The following DARS1 variants were observed in gnomAD, a reference collection of about 807,000 sequenced individuals.
DARS1 encodes the protein aspartate--tRNA ligase, cytoplasmic.
DARS1 carries 51 observed loss-of-function variants against 68.8 expected under a neutral mutation model. That is an observed-to-expected ratio of 0.74 (90% confidence interval 0.59 to 0.94). The LOEUF (loss-of-function observed/expected upper bound fraction) is 0.94. DARS1 is among the 40% of genes least tolerant of loss of function. DARS1 has a pLI of 0.00. For synonymous variants in DARS1, 203 were observed against 190.4 expected (o/e 1.07, Z -0.55); for missense variants, 607 against 597.3 (o/e 1.02, Z -0.17).
intron 3 of DARS1, among the ~76,000 whole-genome samples, chr2:135,976,376 A>C (rs1249792304): frequency 4.6e-5 from 7 of 152,110 alleles, no homozygotes; most frequent in African/African-American, 1.4e-4. Context: ...TTTTTTTGAG[A>C]TAGAATAACA....
intron 7 of DARS1, among the ~76,000 whole-genome samples, chr2:135,927,014 A>G (rs1681233028): frequency 6.6e-6 from 1 of 152,242 alleles, no homozygotes; most frequent in Admixed American, 6.5e-5. Flanking sequence ...AAAATAAGAA[A>G]TGGTAATGGT....
In DARS1 at chr2:135,954,306, A is replaced by G. The variant is rs79238496; in HGVS notation, c.320+7090T>C. On this transcript the variant is annotated intron_variant, in intron 4 of 15. Coordinates refer to ENST00000264161, the MANE Select transcript of DARS1 (RefSeq NM_001349.4). The stretch of plus-strand genomic sequence containing the variant: ...GATTTCCTCACCTGAAAACAAAAAC[A>G]AAACCAAAAAAACAAAACCAAAAAA... Among the ~76,000 whole-genome samples the G allele has an allele frequency of 6.3e-3, 937 of 148,082 alleles. 7 individuals are homozygous for G. The highest frequency in any genetic ancestry group is 0.022 in the African/African-American group (884 of 39,774).
chr2:135,946,988 C>T (rs1051597320), intron 4 of DARS1, among the ~76,000 whole-genome samples: 4 of 152,138 alleles, frequency 2.6e-5, no homozygotes, highest in South Asian at 4.1e-4. Flanking sequence ...CATCATGTTG[C>T]CCAGGATGGT....
Position 135,916,217 on chromosome 2 carries a change from A to G in DARS1, c.1106+9T>C. Reference sequence around the variant, plus strand: ...AACTTAAAGTAAAAAAAAAGCCACAAAGACAAACCTCAGATCGTCTTCATC... The same window carrying G: ...AACTTAAAGTAAAAAAAAAGCCACAGAGACAAACCTCAGATCGTCTTCATC... On this transcript the variant is annotated intron_variant, in intron 11 of 15. Transcript: ENST00000264161. The G allele has an allele frequency of 6.4e-7, 1 of 1,558,990 alleles. No homozygotes were observed. The highest frequency in any genetic ancestry group is 1.4e-5 in the African/African-American group (1 of 73,526).
At chr2:135,965,033 A>T (rs1268920654) in intron 3 of DARS1, among the ~76,000 whole-genome samples, 2 of 152,096 alleles carry the variant, frequency 1.3e-5, no homozygotes, top group Admixed American at 6.5e-5. Context: ...AGTATGTAAA[A>T]GTGTGCCAGT....
In DARS1 at chr2:135,911,494, C is replaced by CT. The variant is rs757154023; in HGVS notation, c.1231-2dup. ...ACATATCGTAAGAGTTGGACTGTTT[C>CT]TGCAAGAGAAAAAACACCAGTCCTC... On this transcript the variant is annotated splice_acceptor_variant, in intron 13 of 15. Coordinates refer to ENST00000264161, the MANE Select transcript of DARS1 (RefSeq NM_001349.4). LOFTEE classifies it high-confidence loss of function. 2.2e-6 allele frequency: 2 copies of CT among 913,418 alleles called. No homozygotes were observed. The highest frequency in any genetic ancestry group is 3.6e-5 in the Admixed American group (2 of 55,912). The allele number at this position is 913,418 out of a possible 1,614,324, so 56.6% of individuals were successfully genotyped here.
chr2:135,973,768 GC>G (rs1400304446), intron 3 of DARS1, among the ~76,000 whole-genome samples: 4 of 152,130 alleles, frequency 2.6e-5, no homozygotes, highest in Non-Finnish European at 5.9e-5. Context: ...TACTCAGGAG[GC>G]TGTGGGAGGA....
At chr2:135,938,032 C>A (rs960709199) in intron 5 of DARS1, among the ~76,000 whole-genome samples, 1 of 152,142 alleles carries the variant, frequency 6.6e-6, no homozygotes, top group African/African-American at 2.4e-5. Flanking sequence ...TGAATGTTGG[C>A]CTGCCTTGCT....
intron 4 of DARS1, among the ~76,000 whole-genome samples, chr2:135,957,335 C>T (rs1278715712): frequency 6.6e-6 from 1 of 151,966 alleles, no homozygotes; most frequent in Non-Finnish European, 1.5e-5. Flanking sequence ...TCAACCGATT[C>T]TCCTGCCTCA....
intron 3 of DARS1, among the ~76,000 whole-genome samples, chr2:135,964,840 C>CA (rs372676148): frequency 0.034 from 1,660 of 49,134 alleles, 111 homozygotes; most frequent in African/African-American, 0.079. Flanking sequence ...GACTCCACCT[C>CA]AAAAAAAAAA....
intron 2 of DARS1, among the ~76,000 whole-genome samples, chr2:135,981,513 G>T (rs1682632043): frequency 6.6e-6 from 1 of 152,140 alleles, no homozygotes; most frequent in African/African-American, 2.4e-5. Flanking sequence ...TCAGATTAGG[G>T]ATGCTCAAGT....
intron 4 of DARS1, among the ~76,000 whole-genome samples, chr2:135,951,673 G>A (rs1681841763): frequency 6.6e-6 from 1 of 152,100 alleles, no homozygotes; most frequent in Non-Finnish European, 1.5e-5. Flanking sequence ...GGGTGCACTC[G>A]GCCATGCAGG....
chr2:135,935,197 A>G (rs1681440643), intron 5 of DARS1, among the ~76,000 whole-genome samples: 1 of 152,084 alleles, frequency 6.6e-6, no homozygotes, highest in Non-Finnish European at 1.5e-5. Context: ...TCTCCTTTCA[A>G]GTACCCCTTC....
intron 3 of DARS1, among the ~76,000 whole-genome samples, chr2:135,966,852 C>A (rs1311997243): frequency 6.6e-6 from 1 of 152,154 alleles, no homozygotes; most frequent in African/African-American, 2.4e-5. Flanking sequence ...AAATTCTTAA[C>A]ACTTAAAACT....
At position 135,907,039 on chromosome 2, in the gene DARS1, A is replaced by G. The variant is rs1462097186; in HGVS notation, c.*277T>C. 4.6e-6 allele frequency: 1 copy of G among 216,242 alleles called. No individual in the cohort carries two copies. The highest frequency in any genetic ancestry group is 9.2e-6 in the Non-Finnish European group (1 of 108,912). 13.4% of individuals were successfully genotyped at this position (216,242 alleles called of 1,614,324 possible). A position where few individuals can be genotyped will look rare whatever the true frequency, so the allele number is the denominator to read the frequency against. ...TAGTAACAGAATATGAATTTGTAAC[A>G]TAACCATATGAATTTCTCAAGTTAT... On this transcript the variant is annotated 3_prime_UTR_variant, in exon 16 of 16. Transcript: ENST00000264161.
chr2:135,962,534 A>T (rs1682123418), intron 3 of DARS1, among the ~76,000 whole-genome samples: 1 of 152,230 alleles, frequency 6.6e-6, no homozygotes, highest in African/African-American at 2.4e-5. Flanking sequence ...TACAGTTACT[A>T]CTTTCAACAT....
intron 15 of DARS1, among the ~76,000 whole-genome samples, chr2:135,908,628 C>G (rs558964679): frequency 6.6e-6 from 1 of 152,270 alleles, no homozygotes; most frequent in African/African-American, 2.4e-5. Context: ...GAGATGGTAT[C>G]TCATTGTGGT....
In DARS1 at chr2:135,916,325, G is replaced by T; in HGVS notation, c.1007C>A (p.Pro336Gln). 6.7e-7 allele frequency: 1 copy of T among 1,502,198 alleles called. No individual in the cohort carries two copies. The highest frequency in any genetic ancestry group is 9.3e-7 in the Non-Finnish European group (1 of 1,077,924). 93.1% of individuals were successfully genotyped at this position (1,502,198 alleles called of 1,614,324 possible). ...TAGAGTTGGCTCCAAAAATTTGAAT[G>T]GCTCACATGGGAACTGTTTATTCAC... ...QTVNKQFPCEPFKFLEPTLRL... is the reference protein window; with the variant it reads ...QTVNKQFPCEQFKFLEPTLRL... Residue 336 changes from proline to glutamine, a missense_variant, in exon 11 of 16, where the codon CCA (proline) becomes CAA (glutamine). Pro to Gln is a moderately conservative substitution (Grantham distance 76). Coordinates refer to ENST00000264161, the MANE Select transcript of DARS1 (RefSeq NM_001349.4).
chr2:135,954,426 T>C (rs982701581), intron 4 of DARS1, among the ~76,000 whole-genome samples: 1 of 152,034 alleles, frequency 6.6e-6, no homozygotes, highest in Middle Eastern at 3.5e-3. Context: ...ATGGGGCTGT[T>C]GTGTGGATCA....
Sources: gnomAD v4.1 joint callset for allele counts (sites outside exome capture counted in the v4.1 genomes callset) on GRCh38, gnomAD v4.1.1 for gene constraint, MANE v1.5 for transcripts, NCBI Gene and HGNC (gene_info 2026-07-23, HGNC 2026-07-21) for gene names.